RNF150: variants seen among roughly 807,000 people sequenced by gnomAD.
The protein encoded by RNF150 is ring finger protein 150.
A neutral mutation model predicts 39.3 loss-of-function variants in RNF150; 24 were observed. The observed-to-expected ratio is 0.61, with a 90% CI of 0.44 to 0.86. RNF150 has a LOEUF of 0.86. Among genes scored for constraint, RNF150 ranks in the 40% least tolerant of loss-of-function variants. The pLI is 0.00. For missense variants in RNF150, 502 were observed against 587.8 expected (o/e 0.85, Z 1.51); for synonymous variants, 255 against 227.3 (o/e 1.12, Z -1.10).
At chr4:140,929,521 C>T (rs1369079141) in intron 4 of RNF150, among the ~76,000 whole-genome samples, 2 of 151,890 alleles carry the variant, frequency 1.3e-5, no homozygotes, top group Non-Finnish European at 2.9e-5. Context: ...CACCCACCAC[C>T]ACGCCCAGCT....
intron 5 of RNF150, among the ~76,000 whole-genome samples, chr4:140,921,307 A>G (rs1731132399): frequency 6.6e-6 from 1 of 151,884 alleles, no homozygotes; most frequent in South Asian, 2.1e-4. Context: ...TCCCACAGAA[A>G]TACAAACTAC....
intron 1 of RNF150, among the ~76,000 whole-genome samples, chr4:141,153,364 T>C (rs1371581597): frequency 6.6e-6 from 1 of 152,168 alleles, no homozygotes; most frequent in Non-Finnish European, 1.5e-5. Flanking sequence ...GTTTCGCTGA[T>C]GTCCCTAAAG....
chr4:141,194,041 C>T (rs188773381), intron 1 of RNF150, among the ~76,000 whole-genome samples: 20 of 152,322 alleles, frequency 1.3e-4, no homozygotes, highest in Admixed American at 3.3e-4. Context: ...TAAAACTTGA[C>T]TGCTCACATT....
chr4:140,907,115 T>G (rs1179941654), intron 6 of RNF150, among the ~76,000 whole-genome samples: 1 of 152,174 alleles, frequency 6.6e-6, no homozygotes, highest in Non-Finnish European at 1.5e-5. Flanking sequence ...CTAAGGAACT[T>G]TTTTCCCCTG....
intron 1 of RNF150, among the ~76,000 whole-genome samples, chr4:141,146,554 GC>G (rs1727203173): frequency 1.4e-5 from 2 of 146,834 alleles, no homozygotes; most frequent in African/African-American, 5.1e-5. Context: ...AGAGTAATAT[GC>G]AACAACTGCT....
chr4:141,063,763 A>G (rs1210231266), intron 1 of RNF150, among the ~76,000 whole-genome samples: 2 of 152,120 alleles, frequency 1.3e-5, no homozygotes, highest in Non-Finnish European at 2.9e-5. Context: ...AATCCTTTGC[A>G]GATTTTACAG....
At chr4:141,195,497 C>T (rs922759102) in intron 1 of RNF150, among the ~76,000 whole-genome samples, 5 of 152,182 alleles carry the variant, frequency 3.3e-5, no homozygotes, top group African/African-American at 1.2e-4. Flanking sequence ...CAAGTTGAAC[C>T]TTGATCTCAG....
At chr4:141,078,694 G>C (rs953495481) in intron 1 of RNF150, among the ~76,000 whole-genome samples, 1 of 149,594 alleles carries the variant, frequency 6.7e-6, no homozygotes, top group African/African-American at 2.5e-5. Context: ...GGAGGCTGAG[G>C]CAGGAGAACG....
chr4:140,962,108 G>GCA (rs146087812), intron 2 of RNF150, among the ~76,000 whole-genome samples: 45 of 146,904 alleles, frequency 3.1e-4, no homozygotes, highest in South Asian at 1.1e-3. Flanking sequence ...ACACACGCGC[G>GCA]CACACACACA....
chr4:140,904,950 A>G (rs894181521), intron 6 of RNF150, among the ~76,000 whole-genome samples: 8 of 152,226 alleles, frequency 5.3e-5, no homozygotes, highest in African/African-American at 1.9e-4. Flanking sequence ...GGAGCAATGA[A>G]TCCCATAGAA....
chr4:140,970,130 A>G (rs1188997596), intron 1 of RNF150, among the ~76,000 whole-genome samples: 1 of 152,110 alleles, frequency 6.6e-6, no homozygotes, highest in East Asian at 1.9e-4. Context: ...GATACTCTTT[A>G]GAACTATTTA....
intron 1 of RNF150, among the ~76,000 whole-genome samples, chr4:141,159,260 T>G (rs976471242): frequency 6.6e-6 from 1 of 152,194 alleles, no homozygotes; most frequent in African/African-American, 2.4e-5. Context: ...CATTGTAGCT[T>G]GAAAGTGGCT....
At chr4:140,914,073 G>C (rs1730721546) in intron 5 of RNF150, among the ~76,000 whole-genome samples, 1 of 152,134 alleles carries the variant, frequency 6.6e-6, no homozygotes. Flanking sequence ...TCAAAATGTT[G>C]ATCTAGCTGT....
chr4:140,955,333 T>C (rs987884761), intron 2 of RNF150, among the ~76,000 whole-genome samples: 3 of 151,728 alleles, frequency 2.0e-5, no homozygotes, highest in Non-Finnish European at 4.4e-5. Flanking sequence ...AACATCAGGG[T>C]TTGTTGTTGT....
intron 2 of RNF150, among the ~76,000 whole-genome samples, chr4:140,949,699 T>C (rs1461912290): frequency 6.6e-6 from 1 of 151,432 alleles, no homozygotes; most frequent in African/African-American, 2.4e-5. Flanking sequence ...AAAATGAGTT[T>C]AGTAATTTGC....
chr4:141,093,353 G>A (rs1306230361), intron 1 of RNF150, among the ~76,000 whole-genome samples: 10 of 138,358 alleles, frequency 7.2e-5, no homozygotes, highest in African/African-American at 1.4e-4. Context: ...GCAACAGAGC[G>A]AGACTCCATC....
chr4:141,173,495 G>A (rs1727763358), intron 1 of RNF150, among the ~76,000 whole-genome samples: 1 of 152,162 alleles, frequency 6.6e-6, no homozygotes, highest in African/African-American at 2.4e-5. Context: ...ATGAAATTGA[G>A]GAACAGTGAG....
chr4:140,959,206 T>C (rs558750585), intron 2 of RNF150, among the ~76,000 whole-genome samples: 13 of 152,254 alleles, frequency 8.5e-5, no homozygotes, highest in Non-Finnish European at 1.3e-4. Context: ...ACCAAAACCA[T>C]TGTTAGATAT....
chr4:141,075,822 G>A (rs1737876755), intron 1 of RNF150, among the ~76,000 whole-genome samples: 1 of 151,928 alleles, frequency 6.6e-6, no homozygotes, highest in South Asian at 2.1e-4. Context: ...GTGGGGTGAG[G>A]GATAAAAGAC....
Sources: gnomAD v4.1 joint callset for allele counts (sites outside exome capture counted in the v4.1 genomes callset) on GRCh38, gnomAD v4.1.1 for gene constraint, MANE v1.5 for transcripts, NCBI Gene and HGNC (gene_info 2026-07-23, HGNC 2026-07-21) for gene names.